Variants in MCC observed in about 807,000 individuals in gnomAD.
The protein encoded by MCC is MCC regulator of Wnt signaling pathway.
In MCC, 90 loss-of-function variants were observed where a neutral mutation model predicts 116.2. The observed-to-expected ratio is 0.77, with a 90% CI of 0.65 to 0.92. MCC has a LOEUF of 0.92. Among genes scored for constraint, MCC ranks in the 40% least tolerant of loss-of-function variants. MCC has a pLI of 0.00. For synonymous variants in MCC, 578 were observed against 510.5 expected (o/e 1.13, Z -1.78); for missense variants, 1,516 against 1,312.2 (o/e 1.16, Z -2.40).
chr5:113,248,687 C>T (rs1456628997), intron 3 of MCC, among the ~76,000 whole-genome samples: 2 of 152,184 alleles, frequency 1.3e-5, no homozygotes, highest in African/African-American at 4.8e-5. Flanking sequence ...CAAGAAGGGT[C>T]TTGAATAGCA....
Position 113,434,890 on chromosome 5 carries a change from C to G in MCC, c.171-49678G>C, listed in dbSNP as rs1361793470. ...GAGGCTGCCCTCTACAGCCCCGAGGCGCATGGGCCAGCAGTGTGCTCATTT... is the reference window on the plus strand; with the variant it reads ...GAGGCTGCCCTCTACAGCCCCGAGGGGCATGGGCCAGCAGTGTGCTCATTT... On this transcript the variant is annotated intron_variant, in intron 1 of 18. Coordinates refer to ENST00000408903, the MANE Select transcript of MCC (RefSeq NM_001085377.2). This position sits in a 1 kb window ranked among gnomAD's most constrained non-coding sequence, Gnocchi z 4.2. The G allele has an allele frequency of 6.4e-7, 1 of 1,563,376 alleles. No homozygotes were observed. Among genetic ancestry groups the G allele is most frequent in the Non-Finnish European group, 8.7e-7 (1 of 1,153,546 alleles).
chr5:113,294,515 G>T, intron 3 of MCC: 1 of 1,507,642 alleles, frequency 6.6e-7, no homozygotes, highest in Non-Finnish European at 8.8e-7. Flanking sequence ...TTTCACCCAG[G>T]ACAGTTGCGA....
intron 3 of MCC, among the ~76,000 whole-genome samples, chr5:113,195,310 C>T (rs1162900515): frequency 6.6e-6 from 1 of 152,224 alleles, no homozygotes; most frequent in Non-Finnish European, 1.5e-5. Flanking sequence ...CCAGCACATA[C>T]AGGCAGAAAG....
chr5:113,156,785 TAC>T (rs1396475291), intron 3 of MCC, among the ~76,000 whole-genome samples: 1 of 152,248 alleles, frequency 6.6e-6, no homozygotes, highest in Non-Finnish European at 1.5e-5. Flanking sequence ...ACATTCATTT[TAC>T]AGTGTGTATC....
At chr5:113,321,099 C>T (rs1016934852) in intron 3 of MCC, among the ~76,000 whole-genome samples, 4 of 152,060 alleles carry the variant, frequency 2.6e-5, no homozygotes, top group African/African-American at 9.7e-5. Flanking sequence ...ATCCTCAGAG[C>T]AACTGAAAAT....
At chr5:113,316,269 AAAG>A in intron 3 of MCC, among the ~76,000 whole-genome samples, 1 of 150,918 alleles carries the variant, frequency 6.6e-6, no homozygotes, top group South Asian at 2.1e-4. Flanking sequence ...AAAAAAAAAA[AAAG>A]AAAGAGATAT....
chr5:113,224,793 C>T (rs1455232544), intron 3 of MCC, among the ~76,000 whole-genome samples: 3 of 152,172 alleles, frequency 2.0e-5, no homozygotes, highest in African/African-American at 7.2e-5. Context: ...CAAGATAAGT[C>T]TAAGTTCACA....
At chr5:113,381,225 TG>T (rs1433008107) in intron 2 of MCC, among the ~76,000 whole-genome samples, 1 of 152,180 alleles carries the variant, frequency 6.6e-6, no homozygotes, top group Non-Finnish European at 1.5e-5. Flanking sequence ...CTTGCCAGCT[TG>T]AGCAAACAGA....
chr5:113,070,422 T>C (rs1485908555), intron 12 of MCC, among the ~76,000 whole-genome samples: 1 of 152,164 alleles, frequency 6.6e-6, no homozygotes, highest in East Asian at 1.9e-4. Flanking sequence ...CCCATTCAAA[T>C]TACCACTTGC....
intron 2 of MCC, among the ~76,000 whole-genome samples, chr5:113,382,005 A>G (rs1299112601): frequency 6.6e-6 from 1 of 152,228 alleles, no homozygotes; most frequent in Admixed American, 6.5e-5. Flanking sequence ...AGATGTGGGC[A>G]GAAAAGGAAT....
chr5:113,133,607 A>G (rs1422554130), intron 5 of MCC, among the ~76,000 whole-genome samples: 1 of 152,082 alleles, frequency 6.6e-6, no homozygotes, highest in East Asian at 1.9e-4. Context: ...GTATCTCTTC[A>G]ATATATTGAT....
At chr5:113,173,548 G>C (rs957167098) in intron 3 of MCC, among the ~76,000 whole-genome samples, 3 of 152,088 alleles carry the variant, frequency 2.0e-5, no homozygotes, top group Non-Finnish European at 4.4e-5. Context: ...ATGAGGCTCT[G>C]GATCACAACA....
At chr5:113,219,271 C>G (rs1048322294) in intron 3 of MCC, among the ~76,000 whole-genome samples, 2 of 152,266 alleles carry the variant, frequency 1.3e-5, no homozygotes, top group Admixed American at 1.3e-4. Context: ...TGGGAGGTGC[C>G]GTGCAGTCTC....
At chr5:113,181,145 G>A (rs1398349472) in intron 3 of MCC, among the ~76,000 whole-genome samples, 1 of 152,186 alleles carries the variant, frequency 6.6e-6, no homozygotes, top group Non-Finnish European at 1.5e-5. Context: ...AGGCAATTTA[G>A]ACTATTCCTA....
intron 1 of MCC, among the ~76,000 whole-genome samples, chr5:113,480,967 G>T (rs1280859996): frequency 3.3e-5 from 5 of 152,046 alleles, no homozygotes; most frequent in Non-Finnish European, 5.9e-5. Flanking sequence ...TGTAGAGACA[G>T]GGTTTCTCCA....
At chr5:113,076,178 T>C (rs182478465) in intron 11 of MCC, among the ~76,000 whole-genome samples, 44 of 152,214 alleles carry the variant, frequency 2.9e-4, no homozygotes, top group African/African-American at 1.0e-3. Flanking sequence ...CAAATCTACA[T>C]CTGATTGGTG....
intron 3 of MCC, among the ~76,000 whole-genome samples, chr5:113,323,660 T>C (rs1468835896): frequency 1.3e-5 from 2 of 152,236 alleles, no homozygotes; most frequent in East Asian, 1.9e-4. Context: ...GTTTAAATTA[T>C]ATTCTTAACA....
At chr5:113,128,579 A>G (rs1416713233) in intron 5 of MCC, among the ~76,000 whole-genome samples, 1 of 152,240 alleles carries the variant, frequency 6.6e-6, no homozygotes, top group African/African-American at 2.4e-5. Context: ...AGACTCATCT[A>G]TGAATCTTTT....
chr5:113,102,295 G>A (rs1182962637), intron 7 of MCC, among the ~76,000 whole-genome samples: 1 of 152,204 alleles, frequency 6.6e-6, no homozygotes, highest in African/African-American at 2.4e-5. Context: ...CACACAACCA[G>A]GCAGAAGGCC....
Sources: allele counts gnomAD v4.1 joint callset (sites outside exome capture counted in the v4.1 genomes callset), GRCh38; gene constraint gnomAD v4.1.1; non-coding constraint Gnocchi (gnomAD v3.1); transcripts MANE v1.5; gene names NCBI Gene and HGNC (gene_info 2026-07-23, HGNC 2026-07-21).